Variants in NSMCE2 observed in about 807,000 individuals in gnomAD.
NSMCE2 encodes the protein E3 SUMO-protein ligase NSE2.
A neutral mutation model predicts 23.8 loss-of-function variants in NSMCE2; 24 were observed. The ratio of observed to expected loss-of-function variants is 1.01; its 90% CI spans 0.73 to 1.42. The LOEUF (loss-of-function observed/expected upper bound fraction) is 1.42, where lower values mean the gene tolerates loss of function less well. Among genes scored for constraint, NSMCE2 ranks in the 40% most tolerant of loss-of-function variants. NSMCE2 has a pLI of 0.00. For synonymous variants in NSMCE2, 92 were observed against 94.1 expected (o/e 0.98, Z 0.13); for missense variants, 284 against 296.5 (o/e 0.96, Z 0.31).
chr8:125,113,057 T>TGGG (rs60153673), intron 3 of NSMCE2, among the ~76,000 whole-genome samples: 7 of 105,630 alleles, frequency 6.6e-5, no homozygotes, highest in South Asian at 6.8e-4. Context: ...TAACAGAAAA[T>TGGG]GGGGGGGGGG....
chr8:125,349,818 C>T (rs1002041522), intron 5 of NSMCE2, among the ~76,000 whole-genome samples: 6 of 152,176 alleles, frequency 3.9e-5, no homozygotes, highest in African/African-American at 1.4e-4. Flanking sequence ...ACACAGCCTA[C>T]TGTAATTTTC....
In NSMCE2 at chr8:125,367,009, G is replaced by A; in HGVS notation, c.*124G>A. 1 of 627,270 alleles carries A rather than the reference G, an allele frequency of 1.6e-6. No homozygotes were observed. 38.9% of individuals were successfully genotyped at this position (627,270 alleles called of 1,614,324 possible). The stretch of plus-strand genomic sequence containing the variant: ...AGCATACTTGTTGGGGGTAAAACTT[G>A]TTGCTTTTATGTGTGCTTGAAAACA... On this transcript the variant is annotated 3_prime_UTR_variant, in exon 8 of 8. Transcript: ENST00000287437.
chr8:125,266,573 C>A (rs572697361), intron 5 of NSMCE2, among the ~76,000 whole-genome samples: 2 of 152,164 alleles, frequency 1.3e-5, no homozygotes, highest in African/African-American at 4.8e-5. Context: ...AATGTATTAT[C>A]AATTTGTCCT....
At chr8:125,244,769 G>C (rs946002667) in intron 5 of NSMCE2, among the ~76,000 whole-genome samples, 1 of 152,096 alleles carries the variant, frequency 6.6e-6, no homozygotes, top group Non-Finnish European at 1.5e-5. Flanking sequence ...ACATTTAGAA[G>C]TACAAGGATT....
intron 5 of NSMCE2, among the ~76,000 whole-genome samples, chr8:125,188,231 G>A (rs188469750): frequency 6.8e-4 from 103 of 152,292 alleles, no homozygotes; most frequent in Admixed American, 1.6e-3. Flanking sequence ...TTTAGTTGGT[G>A]GCTTTTCCGT....
chr8:125,320,305 G>GAAGGAAGGAAGGAAGGAAGGAAGGA (rs1829400091), intron 5 of NSMCE2, among the ~76,000 whole-genome samples: 1 of 123,190 alleles, frequency 8.1e-6, no homozygotes, highest in African/African-American at 2.9e-5. Context: ...AGGAAGGAAG[G>GAAGGAAGGAAGGAAGGAAGGAAGGA]AAGGGAAGGG....
intron 5 of NSMCE2, among the ~76,000 whole-genome samples, chr8:125,215,376 A>AT (rs567251639): frequency 1.0e-3 from 155 of 151,326 alleles, no homozygotes; most frequent in African/African-American, 3.5e-3. Flanking sequence ...TGAACTCATC[A>AT]TTTTTTATGG....
intron 3 of NSMCE2, among the ~76,000 whole-genome samples, chr8:125,150,143 T>C (rs1284772523): frequency 6.6e-6 from 1 of 152,130 alleles, no homozygotes; most frequent in Non-Finnish European, 1.5e-5. Context: ...CTCTTCCCTT[T>C]TCCCTGTTCT....
chr8:125,188,031 G>T (rs1203792048), intron 5 of NSMCE2, among the ~76,000 whole-genome samples: 17 of 152,130 alleles, frequency 1.1e-4, no homozygotes, highest in Admixed American at 1.1e-3. Flanking sequence ...AATGATATTT[G>T]TATCAGACAT....
intron 5 of NSMCE2, among the ~76,000 whole-genome samples, chr8:125,192,433 C>G (rs1823397290): frequency 6.6e-6 from 1 of 150,562 alleles, no homozygotes; most frequent in Non-Finnish European, 1.5e-5. Flanking sequence ...CATTAACTAT[C>G]TGAAATTTTG....
Position 125,357,309 on chromosome 8 carries a change from C to G in NSMCE2, c.509C>G (p.Pro170Arg). 1 of 1,600,826 alleles carries G rather than the reference C, an allele frequency of 6.2e-7. No individual in the cohort carries two copies. Among genetic ancestry groups the G allele is most frequent in the Non-Finnish European group, 8.6e-7 (1 of 1,167,800 alleles). ...CAAAGTCAGACCAACTTCACCTGCC[C>G]CATTACAAAGGTACCGCTTCCTCCT... ...VTQSQTNFTC[P>R]ITKEEMKKPV... Residue 170 changes from proline to arginine, a missense_variant, in exon 6 of 8, where the codon CCC (proline) becomes CGC (arginine). By Grantham distance (103) the Pro-to-Arg change is moderately radical (BLOSUM62 -2). Around this residue, in one of 2 missense-constraint regions of NSMCE2, gnomAD observed 102 missense variants for 141.0 expected, o/e 0.72. Coordinates refer to ENST00000287437, the MANE Select transcript of NSMCE2 (RefSeq NM_173685.4).
At chr8:125,158,919 A>C (rs1281116743) in intron 4 of NSMCE2, among the ~76,000 whole-genome samples, 2 of 152,222 alleles carry the variant, frequency 1.3e-5, no homozygotes, top group Non-Finnish European at 2.9e-5. Flanking sequence ...TTGAAAGCAC[A>C]GTAGTCACTG....
At chr8:125,262,347 C>G (rs909724572) in intron 5 of NSMCE2, among the ~76,000 whole-genome samples, 7 of 152,048 alleles carry the variant, frequency 4.6e-5, no homozygotes, top group African/African-American at 1.7e-4. Context: ...TGGCATGGAC[C>G]TGGGAGGCAG....
At chr8:125,123,771 T>A (rs1329752561) in intron 3 of NSMCE2, among the ~76,000 whole-genome samples, 1 of 152,264 alleles carries the variant, frequency 6.6e-6, no homozygotes, top group Non-Finnish European at 1.5e-5. Flanking sequence ...ATAATTAATT[T>A]AGTATTTAAT....
chr8:125,272,826 CAT>C lies in NSMCE2; in HGVS notation c.419-84385_419-84384del, dbSNP rs549916341. Reference sequence around the variant, plus strand: ...ATATACACACACGTATATATATACACATATATATACACACGTATATACACACA... The same window carrying C: ...ATATACACACACGTATATATATACACATATATACACACGTATATACACACA... On this transcript the variant is annotated intron_variant, in intron 5 of 7. Transcript: ENST00000287437. 2.6e-3 allele frequency among the ~76,000 whole-genome samples: 258 copies of C among 97,504 alleles called. 12 individuals are homozygous for C. The highest frequency in any genetic ancestry group is 9.8e-3 in the African/African-American group (230 of 23,544). 64.0% of individuals were successfully genotyped at this position (97,504 alleles called of 152,430 possible).
intron 5 of NSMCE2, among the ~76,000 whole-genome samples, chr8:125,278,278 G>A (rs1827554749): frequency 6.6e-6 from 1 of 152,304 alleles, no homozygotes; most frequent in Admixed American, 6.5e-5. Context: ...GAGATATTGA[G>A]CAATCTTTGG....
Position 125,298,632 on chromosome 8 carries a change from C to T in NSMCE2, c.419-58587C>T, listed in dbSNP as rs72720586. Among the ~76,000 whole-genome samples, 1,022 of 151,398 alleles carry T rather than the reference C, an allele frequency of 6.8e-3. 9 individuals are homozygous for T. Among genetic ancestry groups the T allele is most frequent in the Non-Finnish European group, 9.8e-3 (668 of 67,912 alleles). On this transcript the variant is annotated intron_variant, in intron 5 of 7. Transcript: ENST00000287437. ...TTGTTATAGTAATTAAATGGAATAC[C>T]ATTGAACGTGACCAGTGGTTCTTAA...
intron 5 of NSMCE2, among the ~76,000 whole-genome samples, chr8:125,265,001 A>G (rs1826854180): frequency 6.6e-6 from 1 of 152,138 alleles, no homozygotes; most frequent in African/African-American, 2.4e-5. Flanking sequence ...CACCTCAGGC[A>G]CAAAACTTAA....
intron 5 of NSMCE2, among the ~76,000 whole-genome samples, chr8:125,215,596 A>G (rs551387759): frequency 1.5e-3 from 221 of 152,318 alleles, no homozygotes; most frequent in African/African-American, 5.1e-3. Flanking sequence ...TTCTAGTTCT[A>G]GATCCCTGAG....
Sources: gnomAD v4.1 joint callset for allele counts (sites outside exome capture counted in the v4.1 genomes callset) on GRCh38, gnomAD v4.1.1 for gene constraint, gnomAD v4.1.1 regional missense constraint, MANE v1.5 for transcripts, NCBI Gene and HGNC (gene_info 2026-07-23, HGNC 2026-07-21) for gene names.